The following AMPD3 variants were observed in gnomAD, a reference collection of about 807,000 sequenced individuals.
AMPD3 encodes the protein adenosine monophosphate deaminase 3.
AMPD3 carries 57 observed loss-of-function variants against 82.3 expected under a neutral mutation model. The ratio of observed to expected loss-of-function variants is 0.69; its 90% confidence interval spans 0.56 to 0.86. The LOEUF is 0.86. AMPD3 is among the 40% of genes least tolerant of loss of function. The pLI is 0.00. For missense variants in AMPD3, 870 were observed against 1,003.8 expected (o/e 0.87, Z 1.80); for synonymous variants, 381 against 394.7 (o/e 0.97, Z 0.41).
chr11:10,455,040 G>C (rs1848052736), upstream of AMPD3: 4 of 578,932 alleles, frequency 6.9e-6, no homozygotes, highest in South Asian at 1.5e-4. Flanking sequence ...TATGATGTGA[G>C]CTCAGTAAGA....
chr11:10,456,439 G>A lies in AMPD3; in HGVS notation c.-6+991G>A. 1 of 1,613,798 alleles carries A rather than the reference G, an allele frequency of 6.2e-7. No individual in the cohort carries two copies. The highest frequency in any genetic ancestry group is 1.1e-5 in the South Asian group (1 of 91,074). On this transcript the variant is annotated intron_variant, in intron 1 of 14. Coordinates refer to ENST00000396553, the MANE Select transcript of AMPD3 (RefSeq NM_001025389.2). The surrounding 1 kb of genome is among the most constrained non-coding windows in gnomAD (Gnocchi z 4.3). ...GGCTTCTGCAAGGGGAGTCTGGCAA[G>A]AGTAGGAACCAGCTTCCTTCGTATA...
At chr11:10,499,815 A>G (rs547312663) in intron 10 of AMPD3, 1 of 985,254 alleles carries the variant, frequency 1.0e-6, no homozygotes, top group Non-Finnish European at 1.2e-6. Context: ...AGTTTCCTCC[A>G]CTGTCACCAC....
At position 10,504,729 on chromosome 11, in the gene AMPD3, A is replaced by G. The variant is rs548730287; in HGVS notation, c.2127+70A>G. On this transcript the variant is annotated intron_variant, in intron 14 of 14. Transcript: ENST00000396553. ...GCCTGCTGTGTGCCAGGAGCCTTCCAGGCACTGGGGATCTGTGATGAACAT... is the reference window on the plus strand; with the variant it reads ...GCCTGCTGTGTGCCAGGAGCCTTCCGGGCACTGGGGATCTGTGATGAACAT... 9 of 1,373,034 alleles carry G rather than the reference A, an allele frequency of 6.6e-6. No individual in the cohort carries two copies. In the African/African-American group the frequency reaches 7.1e-5, roughly 11 times the overall value. 85.1% of individuals were successfully genotyped at this position (1,373,034 alleles called of 1,614,324 possible).
chr11:10,461,387 G>A, intron 1 of AMPD3, 128 bp from the exon 2 acceptor site: 1 of 1,598,924 alleles, frequency 6.3e-7, no homozygotes. Flanking sequence ...GGTTTGGTCT[G>A]GGGCATTCCT....
Position 10,505,663 on chromosome 11 carries a change from G to T in AMPD3, c.2128-45G>T, listed in dbSNP as rs759209728. On this transcript the variant is annotated intron_variant, in intron 14 of 14. Coordinates refer to ENST00000396553, the MANE Select transcript of AMPD3 (RefSeq NM_001025389.2). The stretch of plus-strand genomic sequence containing the variant: ...AGCTGCCCACATGGCTATAGAAAGT[G>T]AATCAAAAGTATATAGTTTCATTTG... The T allele has an allele frequency of 2.4e-5, 38 of 1,604,558 alleles. 1 individual carries two copies. The South Asian group carries it at 4.1e-4, about 17-fold the overall frequency.
At chr11:10,461,401 T>G in intron 1 of AMPD3, 114 bp from the exon 2 acceptor site, 1 of 1,601,908 alleles carries the variant, frequency 6.2e-7, no homozygotes, top group Non-Finnish European at 8.5e-7. Flanking sequence ...CATTCCTAAG[T>G]AGACAGCTGA....
intron 2 of AMPD3, among the ~76,000 whole-genome samples, chr11:10,464,180 T>C (rs900336806): frequency 6.6e-6 from 1 of 152,212 alleles, no homozygotes; most frequent in African/African-American, 2.4e-5. Flanking sequence ...ATATAAGTGA[T>C]TTCTCTGACT....
intron 1 of AMPD3, chr11:10,460,854 G>A: frequency 1.0e-6 from 1 of 980,928 alleles, no homozygotes; most frequent in Non-Finnish European, 1.2e-6. Flanking sequence ...CAGTATGCGA[G>A]GAGGTGGATA....
chr11:10,497,769 A>AG (rs1415165015), intron 10 of AMPD3: 2 of 984,752 alleles, frequency 2.0e-6, no homozygotes, highest in South Asian at 4.7e-5. Context: ...TGGAGACAGG[A>AG]GGGGAGCTTG....
intron 13 of AMPD3, chr11:10,503,836 A>G: frequency 2.9e-6 from 1 of 349,070 alleles, no homozygotes; most frequent in Non-Finnish European, 4.0e-6. Context: ...TGCCTCATGA[A>G]AATACATAAT....
intron 2 of AMPD3, among the ~76,000 whole-genome samples, chr11:10,469,065 A>G (rs1227971027): frequency 1.3e-5 from 2 of 152,230 alleles, no homozygotes; most frequent in East Asian, 3.8e-4. Flanking sequence ...CAACACCCTA[A>G]CATCACAATT....
chr11:10,478,339 C>T (rs112620519), intron 2 of AMPD3, 187 bp from the exon 3 acceptor site: 24 of 985,146 alleles, frequency 2.4e-5, no homozygotes, highest in Middle Eastern at 5.2e-4. Flanking sequence ...TCTGGAGGGC[C>T]GTGTTCTATC....
chr11:10,450,838 G>C, upstream of AMPD3: 1 of 1,196,402 alleles, frequency 8.4e-7, no homozygotes, highest in Non-Finnish European at 1.0e-6. Context: ...TCCTCCCGCG[G>C]GGCCCTCCTG....
At chr11:10,468,017 G>C (rs1312502943) in intron 2 of AMPD3, among the ~76,000 whole-genome samples, 1 of 152,190 alleles carries the variant, frequency 6.6e-6, no homozygotes, top group African/African-American at 2.4e-5. Context: ...CCTGAAGGAA[G>C]CACTAAACCT....
intron 4 of AMPD3, chr11:10,484,526 G>A: frequency 1.1e-5 from 11 of 982,666 alleles, no homozygotes; most frequent in Non-Finnish European, 1.3e-5. Flanking sequence ...CTAGCCATGT[G>A]CCAGGGACTG....
rs753551502 is a variant in AMPD3 at position 10,461,460 on chromosome 11, C to G, written c.-5-55C>G. ...CCCTCACTTCAGTGCCTTCTCTTCC[C>G]CGGTGCTGGTGACTCAGGGCATCCT... On this transcript the variant is annotated intron_variant, in intron 1 of 14. Transcript: ENST00000396553. The G allele has an allele frequency of 5.0e-6, 8 of 1,612,720 alleles. No individual in the cohort carries two copies. The East Asian group carries it at 1.8e-4, about 36-fold the overall frequency.
rs1033690995 is a variant in AMPD3 at position 10,500,576 on chromosome 11, G to A, written c.1721+327G>A. ...ACACACACCAGGGCACACTCCACGT[G>A]TACCTGTACATCCCTGAGATAATGG... On this transcript the variant is annotated intron_variant, in intron 11 of 14. Transcript: ENST00000396553. The A allele has an allele frequency of 1.6e-5, 16 of 983,856 alleles. No homozygotes were observed. The African/African-American group carries it at 2.4e-4, about 15-fold the overall frequency. The allele number at this position is 983,856 out of a possible 1,614,324, so 60.9% of individuals were successfully genotyped here.
upstream of AMPD3, among the ~76,000 whole-genome samples, chr11:10,452,060 AGGT>A (rs1763448274): frequency 6.6e-6 from 1 of 152,286 alleles, no homozygotes; most frequent in African/African-American, 2.4e-5. Context: ...ACACCTGCAT[AGGT>A]GGTGGCTGGG....
intron 11 of AMPD3, chr11:10,500,600 G>A (rs146900324): frequency 2.0e-6 from 2 of 985,352 alleles, no homozygotes; most frequent in East Asian, 2.3e-4. Flanking sequence ...CTGAGATAAT[G>A]GAAGCATAGG....
Sources: gnomAD v4.1 joint callset for allele counts (sites outside exome capture counted in the v4.1 genomes callset) on GRCh38, gnomAD v4.1.1 for gene constraint, Gnocchi (gnomAD v3.1) non-coding constraint, MANE v1.5 for transcripts, NCBI Gene and HGNC (gene_info 2026-07-23, HGNC 2026-07-21) for gene names.